Variants in NEGR1 observed in about 807,000 individuals in gnomAD.
NEGR1 encodes the protein neuronal growth regulator 1.
In NEGR1, 10 loss-of-function variants were observed where a neutral mutation model predicts 40.9. The ratio of observed to expected loss-of-function variants is 0.24; its 90% CI spans 0.15 to 0.42. The LOEUF is 0.42. NEGR1 is among the 10% of genes least tolerant of loss of function. The pLI is 1.00. For synonymous variants in NEGR1, 185 were observed against 166.8 expected (o/e 1.11, Z -0.84); for missense variants, 352 against 438.9 (o/e 0.80, Z 1.77).
intron 1 of NEGR1, among the ~76,000 whole-genome samples, chr1:71,971,858 T>C (rs919694083): frequency 2.5e-4 from 38 of 152,232 alleles, no homozygotes; most frequent in African/African-American, 8.9e-4. Context: ...ATGTATTTGC[T>C]AACGTTATCT....
chr1:71,491,516 A>T (rs1646927274), intron 6 of NEGR1, among the ~76,000 whole-genome samples: 1 of 151,958 alleles, frequency 6.6e-6, no homozygotes, highest in Non-Finnish European at 1.5e-5. Context: ...AAGTGTTATG[A>T]TGGAGGGGGA....
In NEGR1 at chr1:72,157,698, G is replaced by A. The variant is rs74087197; in HGVS notation, c.176+124621C>T. On this transcript the variant is annotated intron_variant, in intron 1 of 6. Coordinates refer to ENST00000357731, the MANE Select transcript of NEGR1 (RefSeq NM_173808.3). ...AATAAAGACAAAGAAAACCTACTGG[G>A]GCCATACCCATAGCCACTGCTCACT... Among the ~76,000 whole-genome samples, 1,219 of 152,030 alleles carry A rather than the reference G, an allele frequency of 8.0e-3. 13 individuals are homozygous for A. Among genetic ancestry groups the A allele is most frequent in the African/African-American group, 0.027 (1,131 of 41,452 alleles).
intron 3 of NEGR1, among the ~76,000 whole-genome samples, chr1:71,729,577 A>G (rs1187393493): frequency 6.6e-6 from 1 of 152,126 alleles, no homozygotes; most frequent in Non-Finnish European, 1.5e-5. Flanking sequence ...TAAAAATCTA[A>G]GAGATTTGCA....
At chr1:71,733,831 T>TA (rs1004671710) in intron 3 of NEGR1, among the ~76,000 whole-genome samples, 24 of 152,166 alleles carry the variant, frequency 1.6e-4, no homozygotes, top group Non-Finnish European at 2.8e-4. Context: ...TACTGATTCC[T>TA]AAAAAAATCC....
chr1:71,523,225 TTGTTGGGTTGTTGTGAGGA>T lies in NEGR1; in HGVS notation c.940+69573_940+69591del, dbSNP rs561006250. Among the ~76,000 whole-genome samples the T allele has an allele frequency of 1.8e-3, 271 of 151,762 alleles. 2 individuals are homozygous for T. The highest frequency in any genetic ancestry group is 6.2e-3 in the African/African-American group (259 of 41,448). ...GAGCCAATGAGCAGGTAAGTTTGGG[TTGTTGGGTTGTTGTGAGGA>T]TGTTGGGTTGTTGTGAGGATGTAAT... On this transcript the variant is annotated intron_variant, in intron 6 of 6. Coordinates refer to ENST00000357731, the MANE Select transcript of NEGR1 (RefSeq NM_173808.3).
chr1:72,227,500 A>AT (rs1025977658), intron 1 of NEGR1, among the ~76,000 whole-genome samples: 1 of 152,130 alleles, frequency 6.6e-6, no homozygotes, highest in African/African-American at 2.4e-5. Flanking sequence ...AATCAGGATG[A>AT]TAAAAAACAG....
At chr1:71,715,245 G>T (rs1283905726) in intron 3 of NEGR1, among the ~76,000 whole-genome samples, 3 of 152,168 alleles carry the variant, frequency 2.0e-5, no homozygotes, top group Non-Finnish European at 4.4e-5. Context: ...TGACAGCAAG[G>T]CCCTGTGCCC....
intron 4 of NEGR1, among the ~76,000 whole-genome samples, chr1:71,644,194 C>G (rs1413903311): frequency 6.6e-6 from 1 of 151,832 alleles, no homozygotes; most frequent in Non-Finnish European, 1.5e-5. Flanking sequence ...ATTTGAGTTC[C>G]TCTCTAGCCA....
intron 6 of NEGR1, among the ~76,000 whole-genome samples, chr1:71,416,160 A>T (rs1379276834): frequency 6.6e-6 from 1 of 152,198 alleles, no homozygotes; most frequent in Non-Finnish European, 1.5e-5. Flanking sequence ...TGGTAAAAAC[A>T]TGGGAGAAAT....
At chr1:71,563,437 G>T (rs1005178674) in intron 6 of NEGR1, among the ~76,000 whole-genome samples, 6 of 152,054 alleles carry the variant, frequency 3.9e-5, no homozygotes, top group Middle Eastern at 6.8e-3. Flanking sequence ...TGTCATAAAT[G>T]CCCACATAAT....
At chr1:71,873,590 C>G (rs1041544353) in intron 2 of NEGR1, among the ~76,000 whole-genome samples, 18 of 152,084 alleles carry the variant, frequency 1.2e-4, no homozygotes, top group African/African-American at 4.3e-4. Flanking sequence ...ATTGTGCACT[C>G]TAAATAATCT....
At chr1:71,775,705 A>G (rs1656480377) in intron 3 of NEGR1, among the ~76,000 whole-genome samples, 2 of 147,512 alleles carry the variant, frequency 1.4e-5, no homozygotes, top group Non-Finnish European at 3.0e-5. Context: ...AAAAATATGC[A>G]TTTTGGCCAG....
chr1:71,624,653 T>C (rs1650709185), intron 4 of NEGR1, among the ~76,000 whole-genome samples: 1 of 151,910 alleles, frequency 6.6e-6, no homozygotes, highest in African/African-American at 2.4e-5. Flanking sequence ...TCTTTTTACT[T>C]GATACTTCCT....
intron 2 of NEGR1, among the ~76,000 whole-genome samples, chr1:71,929,465 T>C (rs1458151485): frequency 6.6e-6 from 1 of 152,168 alleles, no homozygotes; most frequent in African/African-American, 2.4e-5. Context: ...TTCCCATGTA[T>C]AATCTTGATC....
chr1:71,674,621 A>AC (rs1652552841), intron 4 of NEGR1, among the ~76,000 whole-genome samples: 4 of 123,086 alleles, frequency 3.2e-5, no homozygotes, highest in Non-Finnish European at 7.1e-5. Flanking sequence ...CACACACACA[A>AC]ATGTATACAG....
chr1:71,924,767 C>A (rs1374836676), intron 2 of NEGR1, among the ~76,000 whole-genome samples: 1 of 152,002 alleles, frequency 6.6e-6, no homozygotes, highest in Non-Finnish European at 1.5e-5. Flanking sequence ...TTATTTGTTA[C>A]TTTTTACTAC....
At chr1:72,215,406 AT>A (rs1451938865) in intron 1 of NEGR1, among the ~76,000 whole-genome samples, 2 of 152,178 alleles carry the variant, frequency 1.3e-5, no homozygotes, top group Non-Finnish European at 2.9e-5. Context: ...AGTAACAGAA[AT>A]TATTATCAGA....
Position 71,725,607 on chromosome 1 carries a change from A to G in NEGR1, c.536-27468T>C, listed in dbSNP as rs1362344101. ...TTTCAAATTAAAAAAAATACTCTTCAAAACACAATGTTAGTCTTCTCAGTA... is the reference window on the plus strand; with the variant it reads ...TTTCAAATTAAAAAAAATACTCTTCGAAACACAATGTTAGTCTTCTCAGTA... On this transcript the variant is annotated intron_variant, in intron 3 of 6. Coordinates refer to ENST00000357731, the MANE Select transcript of NEGR1 (RefSeq NM_173808.3). Among the ~76,000 whole-genome samples, 3 of 152,116 alleles carry G rather than the reference A, an allele frequency of 2.0e-5. No homozygotes were observed. In the East Asian group the frequency reaches 5.8e-4, roughly 29 times the overall value.
intron 1 of NEGR1, among the ~76,000 whole-genome samples, chr1:72,050,024 G>C (rs1647043573): frequency 1.3e-5 from 2 of 151,400 alleles, no homozygotes; most frequent in African/African-American, 4.8e-5. Context: ...TAGAAAAATG[G>C]CTGCTTATAT....
Sources: allele counts gnomAD v4.1 joint callset (sites outside exome capture counted in the v4.1 genomes callset), GRCh38; gene constraint gnomAD v4.1.1; transcripts MANE v1.5; gene names NCBI Gene and HGNC (gene_info 2026-07-23, HGNC 2026-07-21).